AIRE: variants seen among roughly 807,000 people sequenced by gnomAD.
AIRE encodes the protein autoimmune polyendocrinopathy candidiasis ectodermal dystrophy protein.
Under a neutral mutation model 62.1 loss-of-function variants are expected in AIRE, and 52 were observed. The observed-to-expected ratio is 0.84, with a 90% CI of 0.67 to 1.06. The LOEUF is 1.06. Among genes scored for constraint, AIRE ranks in the 50% least tolerant of loss-of-function variants. AIRE has a pLI of 0.00. For missense variants in AIRE, 774 were observed against 755.8 expected (o/e 1.02, Z -0.28); for synonymous variants, 342 against 321.6 (o/e 1.06, Z -0.68).
chr21:44,294,500 C>T lies in AIRE; in HGVS notation c.1500C>T (p.Ala500=). ...CCGCCCGCCTGGCCCCTGGGCCTGC[C>T]AAGGTCAGTGCCGCAGGGGCCCTCC... The part of the protein sequence containing the change: ...PSPARLAPGP[A]KDDTASHEPA... Residue 500 remains alanine (A), a synonymous_variant, in exon 12 of 14, where the codon GCC becomes GCT. Coordinates refer to ENST00000291582, the MANE Select transcript of AIRE (RefSeq NM_000383.4). 6.7e-7 allele frequency: 1 copy of T among 1,493,464 alleles called. No homozygotes were observed. Among genetic ancestry groups the T allele is most frequent in the Non-Finnish European group, 8.9e-7 (1 of 1,119,596 alleles). 92.5% of individuals were successfully genotyped at this position (1,493,464 alleles called of 1,614,324 possible).
In AIRE at chr21:44,286,197, G is replaced by A. The variant is rs2040480348; in HGVS notation, c.132+59G>A. On this transcript the variant is annotated intron_variant, in intron 1 of 13. Coordinates refer to ENST00000291582, the MANE Select transcript of AIRE (RefSeq NM_000383.4). This position sits in a 1 kb window ranked among gnomAD's most constrained non-coding sequence, Gnocchi z 6.0. Reference sequence around the variant, plus strand: ...GCCCTGTGAGCCAGGGATAGTCCCCGGGGAAGTTCCAGGAGGACCCCGCCC... The same window carrying A: ...GCCCTGTGAGCCAGGGATAGTCCCCAGGGAAGTTCCAGGAGGACCCCGCCC... The A allele has an allele frequency of 2.4e-6, 3 of 1,242,926 alleles. No homozygotes were observed. Among genetic ancestry groups the A allele is most frequent in the Non-Finnish European group, 2.1e-6 (2 of 960,370 alleles). 77.0% of individuals were successfully genotyped at this position (1,242,926 alleles called of 1,614,324 possible).
At position 44,297,161 on chromosome 21, in the gene AIRE, G is replaced by C. The variant is rs1291109927; in HGVS notation, c.1567-495G>C. Among the ~76,000 whole-genome samples, 1 of 152,218 alleles carries C rather than the reference G, an allele frequency of 6.6e-6. No homozygotes were observed. The highest frequency in any genetic ancestry group is 2.4e-5 in the African/African-American group (1 of 41,456). ...GCTGGGTAATGGAGCTGCCCCTCTGGATGGGGTCCCCGGGTATAGCTGGAG... is the reference window on the plus strand; with the variant it reads ...GCTGGGTAATGGAGCTGCCCCTCTGCATGGGGTCCCCGGGTATAGCTGGAG... On this transcript the variant is annotated intron_variant, in intron 13 of 13. Transcript: ENST00000291582. The surrounding 1 kb of genome is among the most constrained non-coding windows in gnomAD (Gnocchi z 4.8).
intron 13 of AIRE, 114 bp downstream of exon 13, chr21:44,296,559 T>TGGG: frequency 9.4e-7 from 1 of 1,060,674 alleles, no homozygotes; most frequent in Non-Finnish European, 1.5e-6. Context: ...TCTTGAGCCG[T>TGGG]GGAAACTCAG....
rs1439503034 is a variant in AIRE, at chr21:44,293,025, G to T, written c.1128G>T (p.Glu376Asp). ...LPPGLRSAGE[E>D]VRGPPGEPLA... ...CGGGGCTTAGGTCGGCGGGAGAGGA[G>T]GTAAGAGGTCCACCTGGGGAACCCC... Residue 376 changes from glutamate to aspartate, a missense_variant, in exon 10 of 14, where the codon GAG (glutamate) becomes GAT (aspartate). Around this residue, in one of 3 missense-constraint regions of AIRE, gnomAD observed 354 missense variants for 296.1 expected, o/e 1.20. Coordinates refer to ENST00000291582, the MANE Select transcript of AIRE (RefSeq NM_000383.4). 6.2e-7 allele frequency: 1 copy of T among 1,612,536 alleles called. No individual in the cohort carries two copies. The highest frequency in any genetic ancestry group is 2.2e-5 in the East Asian group (1 of 44,868).
At chr21:44,289,840 A>C in intron 6 of AIRE, 38 bp downstream of exon 6, 1 of 1,611,634 alleles carries the variant, frequency 6.2e-7, no homozygotes, top group Non-Finnish European at 8.5e-7. Context: ...CTGGCTCTTG[A>C]TGCCCCCCGC....
intron 10 of AIRE, among the ~76,000 whole-genome samples, 192 bp from the exon 11 acceptor site, chr21:44,293,597 G>A (rs56283985): frequency 2.0e-5 from 3 of 152,082 alleles, no homozygotes; most frequent in Admixed American, 6.5e-5. Context: ...TGCTTGGGTC[G>A]CCCCTGCCTC....
Position 44,292,288 on chromosome 21 carries a change from GGA to G in AIRE, c.996-13_996-12del. On this transcript the variant is annotated splice_polypyrimidine_tract_variant and intron_variant, in intron 8 of 13. Transcript: ENST00000291582. ...CTTGTTCTGCATGTCTCTGACTGGT[GGA>G]CACACGAGCAGTGGGACCTGGAGGT... 6.4e-7 allele frequency: 1 copy of G among 1,560,204 alleles called. No individual in the cohort carries two copies.
At position 44,285,893 on chromosome 21, in the gene AIRE, C is replaced by A. The variant is rs1345734125; in HGVS notation, c.-114C>A. ...CGCAGACCGGGGAGACGGGCGGGCG[C>A]ACAGCCGGCGCGGAGGCCCCACAGC... On this transcript the variant is annotated 5_prime_UTR_variant, in exon 1 of 14. Transcript: ENST00000291582. 30 of 1,080,364 alleles carry A rather than the reference C, an allele frequency of 2.8e-5. No individual in the cohort carries two copies. The highest frequency in any genetic ancestry group is 3.5e-5 in the Non-Finnish European group (28 of 810,178). The allele number at this position is 1,080,364 out of a possible 1,614,324, so 66.9% of individuals were successfully genotyped here.
Position 44,292,292 on chromosome 21 carries a change from ACACGAGCAGTGG to A in AIRE, c.996-9_998del. ...TTCTGCATGTCTCTGACTGGTGGACACACGAGCAGTGGGACCTGGAGGTGCTCCAGCTGCCTG... is the reference window on the plus strand; with the variant it reads ...TTCTGCATGTCTCTGACTGGTGGACAGACCTGGAGGTGCTCCAGCTGCCTG... On this transcript the variant is annotated splice_acceptor_variant and splice_polypyrimidine_tract_variant and coding_sequence_variant and intron_variant, in exon 9 of 14. Coordinates refer to ENST00000291582, the MANE Select transcript of AIRE (RefSeq NM_000383.4). LOFTEE classifies it high-confidence loss of function. 1 of 1,564,624 alleles carries A rather than the reference ACACGAGCAGTGG, an allele frequency of 6.4e-7. No individual in the cohort carries two copies.
chr21:44,293,812 C>T lies in AIRE; in HGVS notation c.1302C>T (p.Cys434=), dbSNP rs370969296. ...AGAACCTGGCTCCTGGTGCGCGTTG[C>T]GGGGTGTGCGGAGATGGTACGGACG... ...GQQNLAPGAR[C]GVCGDGTDVL... Residue 434 remains cysteine, a synonymous_variant, in exon 11 of 14, where the codon TGC becomes TGT. Coordinates refer to ENST00000291582, the MANE Select transcript of AIRE (RefSeq NM_000383.4). The T allele has an allele frequency of 1.3e-5, 20 of 1,596,538 alleles. No individual in the cohort carries two copies. Among genetic ancestry groups the T allele is most frequent in the East Asian group, 2.2e-5 (1 of 44,880 alleles).
intron 13 of AIRE, among the ~76,000 whole-genome samples, chr21:44,296,828 G>C (rs1206225714): frequency 3.1e-5 from 3 of 97,450 alleles, no homozygotes; most frequent in African/African-American, 1.1e-4. Context: ...CGTGGGAGTG[G>C]GGGGGGGGTC....
chr21:44,295,467 T>A (rs1227169344), intron 12 of AIRE, among the ~76,000 whole-genome samples: 1 of 152,118 alleles, frequency 6.6e-6, no homozygotes, highest in Non-Finnish European at 1.5e-5. Context: ...GAAGCCTCCC[T>A]CCTCACACCA....
Position 44,289,540 on chromosome 21 carries a change from A to G in AIRE, c.653-117A>G, listed in dbSNP as rs1482401663. On this transcript the variant is annotated intron_variant, in intron 5 of 13. Transcript: ENST00000291582. ...GACTGGGGTGGGGGCGGGCTGGAGG[A>G]ATGCAGGCTGTGGGAACTCCACCTG... 5 of 1,430,132 alleles carry G rather than the reference A, an allele frequency of 3.5e-6. No individual in the cohort carries two copies. In the African/African-American group the frequency reaches 4.2e-5, roughly 12 times the overall value. The allele number at this position is 1,430,132 out of a possible 1,614,324, so 88.6% of individuals were successfully genotyped here. A position where few individuals can be genotyped will look rare whatever the true frequency, so the allele number is the denominator to read the frequency against.
chr21:44,296,320 G>A, intron 12 of AIRE, 63 bp from the exon 13 acceptor site: 1 of 1,479,178 alleles, frequency 6.8e-7, no homozygotes, highest in South Asian at 1.1e-5. Flanking sequence ...AGGCCCTGCG[G>A]CCTCTGTACC....
chr21:44,292,682 T>A (rs1224145273), intron 9 of AIRE, among the ~76,000 whole-genome samples: 7 of 152,140 alleles, frequency 4.6e-5, no homozygotes. Context: ...GGAAGATGTG[T>A]TCCTTGTTCT....
At chr21:44,292,952 AGG>A in intron 9 of AIRE, 39 bp from the exon 10 acceptor site, 1 of 1,593,366 alleles carries the variant, frequency 6.3e-7, no homozygotes, top group Non-Finnish European at 8.6e-7. Context: ...GGTGCCGGGC[AGG>A]CGCCCGCTGC....
At position 44,287,198 on chromosome 21, in the gene AIRE, C is replaced by T. The variant is rs759776266; in HGVS notation, c.463+65C>T. ...CTTCCCGGGCTTCCCCGGGAGCCCA[C>T]GCCCCCTCCCCACCCGGGCTCCCAC... On this transcript the variant is annotated intron_variant, in intron 3 of 13. Transcript: ENST00000291582. The surrounding 1 kb of genome is among the most constrained non-coding windows in gnomAD (Gnocchi z 4.3). The T allele has an allele frequency of 1.3e-5, 20 of 1,585,624 alleles. No individual in the cohort carries two copies. In the African/African-American group the frequency reaches 1.5e-4, roughly 12 times the overall value.
chr21:44,293,036 C>T lies in AIRE; in HGVS notation c.1139C>T (p.Pro380Leu). ...LRSAGEEVRG[P>L]PGEPLAGMDT... ...TCGGCGGGAGAGGAGGTAAGAGGTC[C>T]ACCTGGGGAACCCCTAGCCGGCATG... The change falls in exon 10 of 14, where the codon CCA becomes CTA. Residue 380 changes from proline to leucine, a missense_variant. Physicochemically the swap from Pro to Leu is moderately conservative, Grantham distance 98. Transcript: ENST00000291582. 6.2e-7 allele frequency: 1 copy of T among 1,612,536 alleles called. No homozygotes were observed. Among genetic ancestry groups the T allele is most frequent in the Non-Finnish European group, 8.5e-7 (1 of 1,179,822 alleles).
At chr21:44,288,296 G>C in intron 4 of AIRE, 49 bp from the exon 5 acceptor site, 13 of 1,404,250 alleles carry the variant, frequency 9.3e-6, no homozygotes, top group Non-Finnish European at 1.3e-5. Flanking sequence ...GTATGTGCTT[G>C]GGAACAGTCT....
Sources: gnomAD v4.1 joint callset for allele counts (sites outside exome capture counted in the v4.1 genomes callset) on GRCh38, gnomAD v4.1.1 for gene constraint, gnomAD v4.1.1 regional missense constraint, Gnocchi (gnomAD v3.1) non-coding constraint, MANE v1.5 for transcripts, NCBI Gene and HGNC (gene_info 2026-07-23, HGNC 2026-07-21) for gene names.